DHRS12: variants seen among roughly 807,000 people sequenced by gnomAD.
DHRS12 encodes dehydrogenase/reductase 12, also known as dehydrogenase/reductase SDR family member 12.
In DHRS12, 29 loss-of-function variants were observed where a neutral mutation model predicts 32.1. The observed-to-expected ratio is 0.90, with a 90% CI of 0.67 to 1.23. The LOEUF is 1.23. Among genes scored for constraint, DHRS12 ranks in the 50% most tolerant of loss-of-function variants. The pLI, the probability that DHRS12 is intolerant of heterozygous loss-of-function variation, is 0.00. For synonymous variants in DHRS12, 150 were observed against 135.9 expected, an observed-to-expected ratio of 1.10 and a Z score of -0.72; for missense variants, 330 against 337.2, an observed-to-expected ratio of 0.98 and a Z score of 0.17.
the DHRS12 span, chr13:51,762,605 GTGTCTT>G: frequency 6.6e-6 from 1 of 152,212 alleles, no homozygotes; most frequent in Non-Finnish European, 1.5e-5. Flanking sequence ...CTGGTGTTGG[GTGTCTT>G]CCAAGCATTT....
At chr13:51,765,605 A>G (rs1953721427), downstream of DHRS12, 1 of 152,192 alleles carries the variant, frequency 6.6e-6, no homozygotes, top group Non-Finnish European at 1.5e-5. Context: ...CTAGCCCATC[A>G]CCAGTGACCT....
intron 4 of DHRS12, 181 bp from the exon 5 acceptor site, chr13:51,777,302 T>C (rs200671185): frequency 4.8e-6 from 3 of 623,018 alleles, no homozygotes; most frequent in East Asian, 2.7e-5. Flanking sequence ...TTCCCAGGAC[T>C]GGAAGAAAGA....
chr13:51,781,145 C>T (rs1954685410), intron 4 of DHRS12, among the ~76,000 whole-genome samples: 1 of 152,200 alleles, frequency 6.6e-6, no homozygotes, highest in Non-Finnish European at 1.5e-5. Flanking sequence ...GGGGCTCACA[C>T]ACTAATCTCA....
chr13:51,784,316 A>G (rs1276486206), intron 4 of DHRS12, among the ~76,000 whole-genome samples: 1 of 152,210 alleles, frequency 6.6e-6, no homozygotes, highest in Non-Finnish European at 1.5e-5. Context: ...GCTCAGGGGA[A>G]GGAATGTGTC....
intron 2 of DHRS12, among the ~76,000 whole-genome samples, chr13:51,796,028 G>A (rs147640149): frequency 4.5e-4 from 68 of 152,208 alleles, no homozygotes; most frequent in African/African-American, 1.4e-3. Context: ...TTTGGCATAC[G>A]GTTCACCCTT....
At chr13:51,759,813 G>C in the DHRS12 span, 1 of 1,603,806 alleles carries the variant, frequency 6.2e-7, no homozygotes, top group Non-Finnish European at 8.5e-7. Context: ...CTAAAGAAAC[G>C]GTTGTTTTAA....
chr13:51,768,521 G>C (rs1566269993), intron 8 of DHRS12: 2 of 1,402,446 alleles, frequency 1.4e-6, no homozygotes, highest in Non-Finnish European at 1.9e-6. Context: ...GGCTGGACGG[G>C]AGACCACGTT....
chr13:51,758,966 G>A, the DHRS12 span, among the ~76,000 whole-genome samples: 3 of 152,138 alleles, frequency 2.0e-5, no homozygotes, highest in Admixed American at 6.5e-5. Context: ...AGGATCACTT[G>A]ACCCCAGGAG....
chr13:51,800,299 AT>A (rs1432236432), intron 1 of DHRS12, among the ~76,000 whole-genome samples: 2 of 152,298 alleles, frequency 1.3e-5, no homozygotes, highest in East Asian at 3.9e-4. Flanking sequence ...CAGAAGAGGT[AT>A]TTTTTCTGAT....
At chr13:51,785,045 T>C (rs1012654606) in intron 4 of DHRS12, among the ~76,000 whole-genome samples, 1 of 152,058 alleles carries the variant, frequency 6.6e-6, no homozygotes, top group African/African-American at 2.4e-5. Context: ...CTGACCAACA[T>C]AGTGAAACCC....
chr13:51,793,717 T>C (rs1004949889), intron 2 of DHRS12, among the ~76,000 whole-genome samples: 2 of 152,342 alleles, frequency 1.3e-5, no homozygotes, highest in East Asian at 3.9e-4. Flanking sequence ...CAGGAGCCTG[T>C]ACCAATGACT....
chr13:51,799,731 A>G, intron 1 of DHRS12, 64 bp from the exon 2 acceptor site: 2 of 1,576,484 alleles, frequency 1.3e-6, no homozygotes, highest in Non-Finnish European at 1.7e-6. Flanking sequence ...CCCCTGCAGG[A>G]GAAAGCCTAA....
chr13:51,759,095 T>G, the DHRS12 span, among the ~76,000 whole-genome samples: 2 of 152,184 alleles, frequency 1.3e-5, no homozygotes, highest in Non-Finnish European at 2.9e-5. Context: ...GTGCAAGAAT[T>G]ACTTGAGCCC....
At chr13:51,755,849 C>G in the DHRS12 span, among the ~76,000 whole-genome samples, 754 of 152,292 alleles carry the variant, frequency 5.0e-3, 5 homozygotes, top group African/African-American at 0.014. Context: ...ACTTATAATA[C>G]AGCATTTTCA....
chr13:51,777,148 G>A (rs749881745), intron 4 of DHRS12, 27 bp from the exon 5 acceptor site: 12 of 1,613,560 alleles, frequency 7.4e-6, no homozygotes, highest in South Asian at 1.1e-5. Context: ...CATCCCATGA[G>A]GGGGCTGCAG....
rs141868145 is a variant in DHRS12, at chr13:51,782,489, C to T, written c.302-5368G>A. On this transcript the variant is annotated intron_variant, in intron 4 of 8. Transcript: ENST00000444610. This position sits in a 1 kb window ranked among gnomAD's most constrained non-coding sequence, Gnocchi z 4.2. Reference sequence around the variant, plus strand: ...GCTGCCCATGGATGTGGTAGAGGTGCGCTCTCCAGAACCAGGAATATCAGG... The same window carrying T: ...GCTGCCCATGGATGTGGTAGAGGTGTGCTCTCCAGAACCAGGAATATCAGG... Among the ~76,000 whole-genome samples, 116 of 152,250 alleles carry T rather than the reference C, an allele frequency of 7.6e-4. No individual in the cohort carries two copies. The highest frequency in any genetic ancestry group is 6.8e-3 in the Middle Eastern group (2 of 294).
rs756565134 is a variant in DHRS12, at chr13:51,771,830, C to T, written c.550G>A (p.Asp184Asn). ...AAAGGCTATGACATACCTGGGGTGTCGGCCCAGCCAGGATGCATGGAAGAA... is the reference window on the plus strand; with the variant it reads ...AAAGGCTATGACATACCTGGGGTGTTGGCCCAGCCAGGATGCATGGAAGAA... ...HFSSMHPGWADTPGVRQAMPG... is the reference protein window; with the variant it reads ...HFSSMHPGWANTPGVRQAMPG... The change falls in exon 7 of 9, where the codon GAC (aspartate) becomes AAC (asparagine). Residue 184 changes from aspartate (D) to asparagine (N), a missense_variant. Coordinates refer to ENST00000444610, the MANE Select transcript of DHRS12 (RefSeq NM_001377533.1). 1.8e-5 allele frequency: 29 copies of T among 1,613,960 alleles called. No homozygotes were observed. The highest frequency in any genetic ancestry group is 1.6e-4 in the East Asian group (7 of 44,890).
At chr13:51,800,980 G>A (rs1027550108) in intron 1 of DHRS12, among the ~76,000 whole-genome samples, 4 of 152,152 alleles carry the variant, frequency 2.6e-5, no homozygotes, top group African/African-American at 7.2e-5. Context: ...TCAGTAACAA[G>A]GGCTTGAACA....
chr13:51,785,042 A>G (rs192129677), intron 4 of DHRS12, among the ~76,000 whole-genome samples: 46 of 152,330 alleles, frequency 3.0e-4, no homozygotes, highest in African/African-American at 8.9e-4. Flanking sequence ...AGCCTGACCA[A>G]CATAGTGAAA....
Sources: gnomAD v4.1 joint callset for allele counts (sites outside exome capture counted in the v4.1 genomes callset) on GRCh38, gnomAD v4.1.1 for gene constraint, Gnocchi (gnomAD v3.1) non-coding constraint, MANE v1.5 for transcripts, NCBI Gene and HGNC (gene_info 2026-07-23, HGNC 2026-07-21) for gene names.